Variants in YTHDF1 observed in about 807,000 individuals in gnomAD.
YTHDF1 encodes the protein YTH domain-containing family protein 1.
In YTHDF1, 16 loss-of-function variants were observed where a neutral mutation model predicts 49.1. That is an observed-to-expected ratio of 0.33 (90% CI 0.22 to 0.49). The LOEUF is 0.49. Ranked by LOEUF, YTHDF1 falls within the 20% of genes least tolerant of loss-of-function variation. The pLI is 0.99. For synonymous variants in YTHDF1, 313 were observed against 290.1 expected, an observed-to-expected ratio of 1.08 and a Z score of -0.80; for missense variants, 621 against 744.3, an observed-to-expected ratio of 0.83 and a Z score of 1.93.
chr20:63,211,307 A>G (rs187990335), intron 3 of YTHDF1, among the ~76,000 whole-genome samples: 1 of 152,192 alleles, frequency 6.6e-6, no homozygotes, highest in East Asian at 1.9e-4. Context: ...TCTACTAAAA[A>G]TTTAAAAATT....
At chr20:63,208,104 A>C (rs2066556831) in intron 3 of YTHDF1, among the ~76,000 whole-genome samples, 1 of 152,222 alleles carries the variant, frequency 6.6e-6, no homozygotes, top group African/African-American at 2.4e-5. Flanking sequence ...AGAACCATTT[A>C]AGTTGAAGTT....
chr20:63,204,908 TGC>T (rs1480906107), intron 3 of YTHDF1, among the ~76,000 whole-genome samples: 3 of 152,066 alleles, frequency 2.0e-5, no homozygotes, highest in South Asian at 2.1e-4. Flanking sequence ...TGTATGTGTG[TGC>T]GCACACACAC....
intron 3 of YTHDF1, among the ~76,000 whole-genome samples, chr20:63,209,152 G>A (rs868841838): frequency 6.6e-6 from 1 of 152,256 alleles, no homozygotes; most frequent in African/African-American, 2.4e-5. Flanking sequence ...ACGGTGAATG[G>A]AGCAGGTAGG....
intron 1 of YTHDF1, 24 bp from the exon 2 acceptor site, chr20:63,215,625 TG>T (rs768835249): frequency 6.2e-7 from 1 of 1,603,886 alleles, no homozygotes; most frequent in South Asian, 1.1e-5. Context: ...GGCCGGGACG[TG>T]GGGTACACAC....
intron 3 of YTHDF1, among the ~76,000 whole-genome samples, chr20:63,210,860 C>T (rs753572905): frequency 6.6e-5 from 10 of 152,074 alleles, no homozygotes; most frequent in Non-Finnish European, 1.0e-4. Flanking sequence ...AGTTCCTCTG[C>T]TCCCCCAACT....
rs183113542 is a variant in YTHDF1 at position 63,208,340 on chromosome 20, G to T, written c.133-4533C>A. On this transcript the variant is annotated intron_variant, in intron 3 of 4. Transcript: ENST00000370339. ...AAGTGAGGGAGTGATATGGCTCCTG[G>T]GAAGCAGCTCTGACCCAGGACTGGG... Among the ~76,000 whole-genome samples, 898 of 152,320 alleles carry T rather than the reference G, an allele frequency of 5.9e-3. 8 individuals carry two copies. The highest frequency in any genetic ancestry group is 0.01 in the Non-Finnish European group (685 of 68,024).
At chr20:63,198,764 G>A (rs1170957183) in intron 4 of YTHDF1, among the ~76,000 whole-genome samples, 2 of 152,194 alleles carry the variant, frequency 1.3e-5, no homozygotes, top group Admixed American at 6.5e-5. Flanking sequence ...CCACTCTGCT[G>A]AGCCGGCCTG....
intron 3 of YTHDF1, among the ~76,000 whole-genome samples, chr20:63,212,186 C>T (rs564081024): frequency 4.6e-4 from 70 of 152,290 alleles, no homozygotes; most frequent in African/African-American, 1.7e-3. Context: ...TCAGTTCTGC[C>T]CAGAGGAAGG....
rs1005874715 is a variant in YTHDF1 at position 63,199,747 on chromosome 20, C to T, written c.1653+2540G>A. Among the ~76,000 whole-genome samples, 30 of 152,070 alleles carry T rather than the reference C, an allele frequency of 2.0e-4. 1 individual carries two copies. The highest frequency in any genetic ancestry group is 4.1e-4 in the Non-Finnish European group (28 of 68,026). On this transcript the variant is annotated intron_variant, in intron 4 of 4. Coordinates refer to ENST00000370339, the MANE Select transcript of YTHDF1 (RefSeq NM_017798.4). Reference sequence around the variant, plus strand: ...CTCAAGGACCACTTCCATTTCTCTACACTGCCCAATAAGCTTAAAAGATAT... The same window carrying T: ...CTCAAGGACCACTTCCATTTCTCTATACTGCCCAATAAGCTTAAAAGATAT...
rs2066599873 is a variant in YTHDF1 at position 63,215,872 on chromosome 20, G to A, written c.21C>T (p.Asp7=). Residue 7 remains aspartate (D), a synonymous_variant, in exon 1 of 5, where the codon GAC becomes GAT. Coordinates refer to ENST00000370339, the MANE Select transcript of YTHDF1 (RefSeq NM_017798.4). ...TGTAACCCGGCCCCGCTACCTGGGT[G>A]TCCACGCTGGTGGCCGACATGCTTC... is the stretch of plus-strand genomic sequence containing the variant. The part of the protein sequence containing the change: MSATSV[D]TQRTKGQDNK... 1.4e-6 allele frequency: 2 copies of A among 1,451,504 alleles called. No individual in the cohort carries two copies. The highest frequency in any genetic ancestry group is 1.4e-5 in the South Asian group (1 of 73,826). The allele number at this position is 1,451,504 out of a possible 1,614,324, so 89.9% of individuals were successfully genotyped here. A position where few individuals can be genotyped will look rare whatever the true frequency, so the allele number is the denominator to read the frequency against.
At position 63,215,972 on chromosome 20, in the gene YTHDF1, TCG is replaced by T; in HGVS notation, c.-82_-81del. ...TAGAGGCCGGGCCTGTCACCCTAGC[TCG>T]CGCGGCCCCGGGCCCCGCCGCCAAT... On this transcript the variant is annotated 5_prime_UTR_variant, in exon 1 of 5. Coordinates refer to ENST00000370339, the MANE Select transcript of YTHDF1 (RefSeq NM_017798.4). 1 of 1,169,370 alleles carries T rather than the reference TCG, an allele frequency of 8.6e-7. No homozygotes were observed. The highest frequency in any genetic ancestry group is 1.1e-6 in the Non-Finnish European group (1 of 946,700). The allele number at this position is 1,169,370 out of a possible 1,614,324, so 72.4% of individuals were successfully genotyped here. A position where few individuals can be genotyped will look rare whatever the true frequency, so the allele number is the denominator to read the frequency against.
chr20:63,203,636 C>T lies in YTHDF1; in HGVS notation c.304G>A (p.Asp102Asn), dbSNP rs945527435. Residue 102 changes from aspartate (D) to asparagine (N), a missense_variant, in exon 4 of 5, where the codon GAT becomes AAT. Transcript: ENST00000370339. The surrounding 1 kb of genome is among the most constrained non-coding windows in gnomAD (Gnocchi z 4.4). ...LSNGDHHFMH[D>N]AVFGQPGGLG... is the part of the protein sequence containing the mutation. ...CCCCCAGGCTGCCCAAAAACAGCAT[C>T]GTGCATAAAATGATGGTCTCCGTTA... 1.9e-6 allele frequency: 3 copies of T among 1,614,024 alleles called. No homozygotes were observed. The highest frequency in any genetic ancestry group is 1.7e-6 in the Non-Finnish European group (2 of 1,180,042).
intron 3 of YTHDF1, among the ~76,000 whole-genome samples, chr20:63,208,441 C>T (rs1356792112): frequency 1.3e-5 from 2 of 152,046 alleles, no homozygotes; most frequent in African/African-American, 4.8e-5. Flanking sequence ...GGAAAATAAC[C>T]GAAAAACCCT....
intron 3 of YTHDF1, among the ~76,000 whole-genome samples, chr20:63,207,013 G>C (rs2066549836): frequency 6.6e-6 from 1 of 152,208 alleles, no homozygotes; most frequent in African/African-American, 2.4e-5. Flanking sequence ...CCTCCTTTCA[G>C]GGCCTTTGAT....
chr20:63,215,294 G>A (rs1253030604), intron 2 of YTHDF1, among the ~76,000 whole-genome samples: 1 of 152,152 alleles, frequency 6.6e-6, no homozygotes, highest in African/African-American at 2.4e-5. Context: ...CTGCGGCCAT[G>A]TCCACCCGGC....
rs1448252071 is a variant in YTHDF1 at position 63,215,881 on chromosome 20, G to A, written c.12C>T (p.Thr4=). Residue 4 remains threonine (T), a synonymous_variant, in exon 1 of 5, where the codon ACC becomes ACT. Transcript: ENST00000370339. ...GCCCCGCTACCTGGGTGTCCACGCT[G>A]GTGGCCGACATGCTTCATGAACAAC... MSA[T]SVDTQRTKGQ... is the part of the protein sequence containing the mutation. 3 of 1,449,368 alleles carry A rather than the reference G, an allele frequency of 2.1e-6. No homozygotes were observed. The highest frequency in any genetic ancestry group is 2.7e-5 in the South Asian group (2 of 73,506). 89.8% of individuals were successfully genotyped at this position (1,449,368 alleles called of 1,614,324 possible).
At chr20:63,197,802 T>C (rs2066499445) in intron 4 of YTHDF1, among the ~76,000 whole-genome samples, 1 of 152,114 alleles carries the variant, frequency 6.6e-6, no homozygotes, top group Admixed American at 6.5e-5. Flanking sequence ...TGGCCATCTA[T>C]CAAGATGCAA....
intron 3 of YTHDF1, among the ~76,000 whole-genome samples, chr20:63,211,956 A>G: frequency 8.9e-6 from 1 of 112,596 alleles, no homozygotes; most frequent in South Asian, 3.3e-4. Flanking sequence ...CCCTGTCTCC[A>G]AAATACACAC....
At chr20:63,214,562 C>T (rs117078593) in intron 2 of YTHDF1, among the ~76,000 whole-genome samples, 4,906 of 152,286 alleles carry the variant, frequency 0.032, 129 homozygotes, top group Non-Finnish European at 0.051. Context: ...GACATGAGAA[C>T]CATCAATGTA....
Sources: gnomAD v4.1 joint callset for allele counts (sites outside exome capture counted in the v4.1 genomes callset) on GRCh38, gnomAD v4.1.1 for gene constraint, Gnocchi (gnomAD v3.1) non-coding constraint, MANE v1.5 for transcripts, NCBI Gene and HGNC (gene_info 2026-07-23, HGNC 2026-07-21) for gene names.